PPARA: variants seen among roughly 807,000 people sequenced by gnomAD.
The protein encoded by PPARA is peroxisome proliferator activated receptor alpha.
Under a neutral mutation model 42.2 loss-of-function variants are expected in PPARA, and 22 were observed. The ratio of observed to expected loss-of-function variants is 0.52; its 90% confidence interval spans 0.37 to 0.74. PPARA has a LOEUF of 0.74. Ranked by LOEUF, PPARA falls within the 30% of genes least tolerant of loss-of-function variation. PPARA has a pLI of 0.00. For missense variants in PPARA, 465 were observed against 608.2 expected, an observed-to-expected ratio of 0.76 and a Z score of 2.48; for synonymous variants, 242 against 239.3, an observed-to-expected ratio of 1.01 and a Z score of -0.10.
In PPARA at chr22:46,177,465, A is replaced by G. The variant is rs991187728; in HGVS notation, c.-43+629A>G. Among the ~76,000 whole-genome samples, 25 of 106,464 alleles carry G rather than the reference A, an allele frequency of 2.3e-4. No homozygotes were observed. In the East Asian group the frequency reaches 3.6e-3, roughly 15 times the overall value. 69.8% of individuals were successfully genotyped at this position (106,464 alleles called of 152,430 possible). On this transcript the variant is annotated intron_variant, in intron 3 of 8. Transcript: ENST00000407236. ...GGCAACAGAACAAGACTCCATCTCA[A>G]AAAAAAAAAAAAAAAAATCGATAGT...
chr22:46,152,648 C>T (rs1737425177), intron 2 of PPARA, among the ~76,000 whole-genome samples: 1 of 152,136 alleles, frequency 6.6e-6, no homozygotes, highest in African/African-American at 2.4e-5. Context: ...AAGCAGATGG[C>T]TTCTTGAGAT....
chr22:46,209,555 A>T (rs890788571), intron 4 of PPARA, among the ~76,000 whole-genome samples: 1 of 152,078 alleles, frequency 6.6e-6, no homozygotes, highest in Non-Finnish European at 1.5e-5. Context: ...CTACATCTTC[A>T]AATTTACTAA....
At position 46,226,765 on chromosome 22, in the gene PPARA, C is replaced by T. The variant is rs547251704; in HGVS notation, c.712-5027C>T. Among the ~76,000 whole-genome samples, 34 of 152,166 alleles carry T rather than the reference C, an allele frequency of 2.2e-4. No individual in the cohort carries two copies. In the South Asian group the frequency reaches 7.1e-3, roughly 32 times the overall value. ...GTGTGCGCCTGTGGTTCCAGCCGCT[C>T]AGGAGGCCGAGGCAGGAGGATGGAG... On this transcript the variant is annotated intron_variant, in intron 7 of 8. Coordinates refer to ENST00000407236, the MANE Select transcript of PPARA (RefSeq NM_005036.6).
chr22:46,231,861 A>G lies in PPARA; in HGVS notation c.781A>G (p.Asn261Asp), dbSNP rs761762666. Residue 261 changes from asparagine to aspartate, a missense_variant, in exon 8 of 9, where the codon AAT becomes GAT. Transcript: ENST00000407236. The surrounding 1 kb of genome is among the most constrained non-coding windows in gnomAD (Gnocchi z 7.7). The stretch of plus-strand genomic sequence containing the variant: ...GACGCTGGTGGCCAAGCTGGTGGCC[A>G]ATGGCATCCAGAACAAGGAGGCGGA... ...EKTLVAKLVA[N>D]GIQNKEAEVR... 6.2e-7 allele frequency: 1 copy of G among 1,614,024 alleles called. No homozygotes were observed. The highest frequency in any genetic ancestry group is 1.7e-5 in the Admixed American group (1 of 60,006).
intron 5 of PPARA, among the ~76,000 whole-genome samples, chr22:46,215,790 T>C (rs1934430304): frequency 6.6e-6 from 1 of 151,918 alleles, no homozygotes; most frequent in Non-Finnish European, 1.5e-5. Flanking sequence ...CTGACCTCAG[T>C]GATAGATTAG....
intron 4 of PPARA, among the ~76,000 whole-genome samples, chr22:46,207,093 C>G (rs564244309): frequency 2.0e-5 from 3 of 151,790 alleles, no homozygotes; most frequent in Non-Finnish European, 2.9e-5. Flanking sequence ...CATGGTGGCT[C>G]ATGCCTATAG....
intron 3 of PPARA, among the ~76,000 whole-genome samples, chr22:46,179,225 G>T (rs969583746): frequency 2.0e-5 from 3 of 152,178 alleles, no homozygotes; most frequent in African/African-American, 7.2e-5. Context: ...CATGAAATTT[G>T]GGGGATACAT....
At position 46,221,582 on chromosome 22, in the gene PPARA, G is replaced by A. The variant is rs997082038; in HGVS notation, c.711+1568G>A. ...TGGGAGGCCAAGACAGGCGGATCAC[G>A]AGGTCAGGAGATCAAGACCATCCTG... On this transcript the variant is annotated intron_variant, in intron 7 of 8. Transcript: ENST00000407236. The surrounding 1 kb of genome is among the most constrained non-coding windows in gnomAD (Gnocchi z 5.9). 1.2e-4 allele frequency among the ~76,000 whole-genome samples: 18 copies of A among 151,832 alleles called. No individual in the cohort carries two copies. Among genetic ancestry groups the A allele is most frequent in the African/African-American group, 4.4e-4 (18 of 41,336 alleles).
At position 46,171,509 on chromosome 22, in the gene PPARA, T is replaced by C. The variant is rs899778047; in HGVS notation, c.-126-5244T>C. 5 of 152,420 alleles carry C rather than the reference T, an allele frequency of 3.3e-5. No homozygotes were observed. Among genetic ancestry groups the C allele is most frequent in the Admixed American group, 3.3e-4 (5 of 15,248 alleles). 9.4% of individuals were successfully genotyped at this position (152,420 alleles called of 1,614,324 possible). On this transcript the variant is annotated intron_variant, in intron 2 of 8. Transcript: ENST00000407236. The surrounding 1 kb of genome is among the most constrained non-coding windows in gnomAD (Gnocchi z 5.0). ...CCAGGACAGGTGAGTGGGTCAAGGG[T>C]GCCAGAAGGGGTGAGGGCACCAGGA...
In PPARA at chr22:46,165,438, A is replaced by G. The variant is rs543305559; in HGVS notation, c.-126-11315A>G. On this transcript the variant is annotated intron_variant, in intron 2 of 8. Transcript: ENST00000407236. The surrounding 1 kb of genome is among the most constrained non-coding windows in gnomAD (Gnocchi z 5.5). The stretch of plus-strand genomic sequence containing the variant: ...GTGGAGGAATTGGAGAGTTTACAAG[A>G]TAGTGAAGAACTGCCAGGCCATGGT... The G allele has an allele frequency of 3.9e-5, 6 of 152,324 alleles. No individual in the cohort carries two copies. Among genetic ancestry groups the G allele is most frequent in the African/African-American group, 1.2e-4 (5 of 41,574 alleles). The allele number at this position is 152,324 out of a possible 1,614,324, so 9.4% of individuals were successfully genotyped here. A position where few individuals can be genotyped will look rare whatever the true frequency, so the allele number is the denominator to read the frequency against.
At chr22:46,210,297 G>A (rs1368290720) in intron 4 of PPARA, among the ~76,000 whole-genome samples, 8 of 104,676 alleles carry the variant, frequency 7.6e-5, no homozygotes, top group Admixed American at 5.0e-4. Context: ...CAACAAGAGC[G>A]AAACTCCATC....
chr22:46,178,748 C>T (rs1328999275), intron 3 of PPARA, among the ~76,000 whole-genome samples: 3 of 152,152 alleles, frequency 2.0e-5, no homozygotes, highest in East Asian at 1.9e-4. Flanking sequence ...CTGATACTCA[C>T]GCAGGGCCAG....
At chr22:46,176,096 GC>G (rs1285174763) in intron 2 of PPARA, 1 of 152,208 alleles carries the variant, frequency 6.6e-6, no homozygotes, top group Non-Finnish European at 1.5e-5. Context: ...CCGAAATTGT[GC>G]CACTGTACTC....
rs1936197854 is a variant in PPARA at position 46,236,264 on chromosome 22, A to C, written c.*884A>C. On this transcript the variant is annotated 3_prime_UTR_variant, in exon 9 of 9. Transcript: ENST00000407236. This position sits in a 1 kb window ranked among gnomAD's most constrained non-coding sequence, Gnocchi z 5.2. ...CTGTCTTAAAAACAAACAAACAAAA[A>C]AAAAATCTGTTAGATAAGCTATCAA... The C allele has an allele frequency of 6.6e-6, 1 of 152,626 alleles. No homozygotes were observed. The highest frequency in any genetic ancestry group is 2.4e-5 in the African/African-American group (1 of 41,444). The allele number at this position is 152,626 out of a possible 1,614,324, so 9.5% of individuals were successfully genotyped here. A position where few individuals can be genotyped will look rare whatever the true frequency, so the allele number is the denominator to read the frequency against.
intron 2 of PPARA, chr22:46,164,685 G>A (rs1353674999): frequency 2.0e-5 from 3 of 152,206 alleles, no homozygotes; most frequent in Non-Finnish European, 4.4e-5. Context: ...GCCCAGCATA[G>A]GAGGTATTTA....
Position 46,222,076 on chromosome 22 carries a change from C to CAA in PPARA, c.711+2072_711+2073dup, listed in dbSNP as rs112777348. Among the ~76,000 whole-genome samples, 2 of 140,958 alleles carry CAA rather than the reference C, an allele frequency of 1.4e-5. No individual in the cohort carries two copies. The highest frequency in any genetic ancestry group is 5.2e-5 in the African/African-American group (2 of 38,492). 92.5% of individuals were successfully genotyped at this position (140,958 alleles called of 152,430 possible). ...TGGGCAACAGAGTGAGACTCTGTCT[C>CAA]AAAAAAAAAAAGAAAGGAAAAGAAA... On this transcript the variant is annotated intron_variant, in intron 7 of 8. Coordinates refer to ENST00000407236, the MANE Select transcript of PPARA (RefSeq NM_005036.6). The surrounding 1 kb of genome is among the most constrained non-coding windows in gnomAD (Gnocchi z 5.9).
chr22:46,166,772 A>G lies in PPARA; in HGVS notation c.-126-9981A>G, dbSNP rs149276686. On this transcript the variant is annotated intron_variant, in intron 2 of 8. Transcript: ENST00000407236. ...ATGGCAAGTTATAACATGCTCTTGA[A>G]TCAGAAGACTCAGTATCTTAGGATG... 2.6e-3 allele frequency among the ~76,000 whole-genome samples: 393 copies of G among 152,342 alleles called. 12 individuals are homozygous for G. The highest frequency in any genetic ancestry group is 4.1e-4 in the Non-Finnish European group (28 of 68,038).
chr22:46,184,207 C>A lies in PPARA; in HGVS notation c.-43+7371C>A, dbSNP rs1223691373. On this transcript the variant is annotated intron_variant, in intron 3 of 8. Transcript: ENST00000407236. The surrounding 1 kb of genome is among the most constrained non-coding windows in gnomAD (Gnocchi z 4.4). ...TGATGATGACTTCATTTTTATAAAA[C>A]AATAATATTGCAGTGCAAATTAAAC... Among the ~76,000 whole-genome samples the A allele has an allele frequency of 6.6e-6, 1 of 152,128 alleles. No homozygotes were observed. Among genetic ancestry groups the A allele is most frequent in the Non-Finnish European group, 1.5e-5 (1 of 68,010 alleles).
At chr22:46,220,339 G>C in intron 7 of PPARA, 1 of 370,900 alleles carries the variant, frequency 2.7e-6, no homozygotes, top group South Asian at 2.2e-5. Context: ...AATAGAGATA[G>C]GTTCTTGCTC....
Sources: gnomAD v4.1 joint callset for allele counts (sites outside exome capture counted in the v4.1 genomes callset) on GRCh38, gnomAD v4.1.1 for gene constraint, Gnocchi (gnomAD v3.1) non-coding constraint, MANE v1.5 for transcripts, NCBI Gene and HGNC (gene_info 2026-07-23, HGNC 2026-07-21) for gene names.